ITGB6: variants seen among roughly 807,000 people sequenced by gnomAD.
ITGB6 encodes the protein integrin subunit beta 6.
Under a neutral mutation model 84.5 loss-of-function variants are expected in ITGB6, and 80 were observed. The observed-to-expected ratio is 0.95, with a 90% CI of 0.79 to 1.14. ITGB6 has a LOEUF of 1.14. Among genes scored for constraint, ITGB6 ranks in the 50% most tolerant of loss-of-function variants. The pLI is 0.00. For missense variants in ITGB6, 1,006 were observed against 968.0 expected, an observed-to-expected ratio of 1.04 and a Z score of -0.52; for synonymous variants, 383 against 354.9, an observed-to-expected ratio of 1.08 and a Z score of -0.89.
At chr2:160,114,017 A>T (rs1017363648) in intron 12 of ITGB6, among the ~76,000 whole-genome samples, 3 of 152,160 alleles carry the variant, frequency 2.0e-5, no homozygotes, top group African/African-American at 7.2e-5. Context: ...CTGTGGTAGG[A>T]AATATGTGAG....
At chr2:160,119,827 A>C (rs1031207775) in intron 12 of ITGB6, among the ~76,000 whole-genome samples, 1 of 152,172 alleles carries the variant, frequency 6.6e-6, no homozygotes, top group South Asian at 2.1e-4. Flanking sequence ...CAAGAAAAAA[A>C]CAAACAACCC....
Position 160,200,245 on chromosome 2 carries a change from A to G in ITGB6, c.-182T>C. Reference sequence around the variant, plus strand: ...AAAGTTTTCATTAAGACTGAAATGAAAACAGAGGCTACCTGGACAGGTAAA... The same window carrying G: ...AAAGTTTTCATTAAGACTGAAATGAGAACAGAGGCTACCTGGACAGGTAAA... On this transcript the variant is annotated 5_prime_UTR_variant, in exon 1 of 15. Coordinates refer to ENST00000283249, the MANE Select transcript of ITGB6 (RefSeq NM_000888.5). The G allele has an allele frequency of 1.8e-6, 1 of 550,146 alleles. No homozygotes were observed. Among genetic ancestry groups the G allele is most frequent in the Non-Finnish European group, 3.2e-6 (1 of 315,270 alleles). 34.1% of individuals were successfully genotyped at this position (550,146 alleles called of 1,614,324 possible).
chr2:160,181,201 C>A (rs905532518), intron 4 of ITGB6, among the ~76,000 whole-genome samples: 10 of 152,142 alleles, frequency 6.6e-5, no homozygotes, highest in African/African-American at 2.4e-4. Context: ...CTCAGCAGAT[C>A]CCACTCTCAT....
At position 160,169,240 on chromosome 2, in the gene ITGB6, A is replaced by T. The variant is rs1381679184; in HGVS notation, c.989T>A (p.Val330Glu). 6.2e-7 allele frequency: 1 copy of T among 1,604,034 alleles called. No individual in the cohort carries two copies. Among genetic ancestry groups the T allele is most frequent in the East Asian group, 2.2e-5 (1 of 44,750 alleles). The change falls in exon 7 of 15, where the codon GTA becomes GAA. Residue 330 changes from valine (V) to glutamate (E), a missense_variant. By Grantham distance (121) the Val-to-Glu change is moderately radical. Coordinates refer to ENST00000283249, the MANE Select transcript of ITGB6 (RefSeq NM_000888.5). ...ATATAAATGAACTTGTTCTTGGGTT[A>T]CAGCGAAGATCAATAACACGTTGTT... ...VQNNVLLIFA[V>E]TQEQVHLYEN...
At chr2:160,120,523 CG>C (rs1682983935) in intron 12 of ITGB6, among the ~76,000 whole-genome samples, 1 of 11,704 alleles carries the variant, frequency 8.5e-5, no homozygotes, top group Admixed American at 1.6e-3. Context: ...GTGGTGGGGT[CG>C]GGGGAGGGGG....
chr2:160,139,409 C>T (rs1435998265), intron 8 of ITGB6, among the ~76,000 whole-genome samples: 2 of 152,028 alleles, frequency 1.3e-5, no homozygotes, highest in South Asian at 2.1e-4. Flanking sequence ...AAATGAGATG[C>T]TTTGATACTT....
chr2:160,138,260 G>A, intron 8 of ITGB6, 61 bp from the exon 9 acceptor site: 2 of 1,460,746 alleles, frequency 1.4e-6, no homozygotes, highest in South Asian at 2.9e-5. Context: ...GCCAGAAGAA[G>A]AAACCGTGAA....
chr2:160,138,154 C>T lies in ITGB6; in HGVS notation c.1153G>A (p.Gly385Arg), dbSNP rs753916892. Residue 385 changes from glycine to arginine, a missense_variant, in exon 9 of 15, where the codon GGA (glycine) becomes AGA (arginine). Gly to Arg is a moderately radical substitution (Grantham distance 125, BLOSUM62 -2). Transcript: ENST00000283249. ...ATGGCTGTAAATGACAAGTTGAGTC[C>T]TTCAGTGTCTCCTAATACTTCCAGT... ...VELEVLGDTE[G>R]LNLSFTAICN... is the part of the protein sequence containing the mutation. The T allele has an allele frequency of 2.3e-5, 37 of 1,613,764 alleles. No homozygotes were observed. The highest frequency in any genetic ancestry group is 2.8e-5 in the Non-Finnish European group (33 of 1,179,892).
intron 7 of ITGB6, among the ~76,000 whole-genome samples, chr2:160,149,220 G>A (rs1684313245): frequency 6.6e-6 from 1 of 151,332 alleles, no homozygotes; most frequent in South Asian, 2.1e-4. Context: ...CCTCATATAG[G>A]TGGCTGCCCC....
intron 4 of ITGB6, among the ~76,000 whole-genome samples, chr2:160,180,949 T>C (rs1401900034): frequency 1.3e-5 from 2 of 152,160 alleles, no homozygotes; most frequent in African/African-American, 2.4e-5. Flanking sequence ...GAATGGTGCA[T>C]TCCAGCCCAG....
In ITGB6 at chr2:160,200,157, T is replaced by G; in HGVS notation, c.-94A>C. 1.0e-6 allele frequency: 1 copy of G among 983,582 alleles called. No individual in the cohort carries two copies. 60.9% of individuals were successfully genotyped at this position (983,582 alleles called of 1,614,324 possible). On this transcript the variant is annotated 5_prime_UTR_variant, in exon 1 of 15. Transcript: ENST00000283249. ...GAATATCGTTAAAGTCTTTCTTTCTTGAAGTATAACATTTTAAATACTACT... is the reference window on the plus strand; with the variant it reads ...GAATATCGTTAAAGTCTTTCTTTCTGGAAGTATAACATTTTAAATACTACT...
At chr2:160,140,722 A>C (rs1048425434) in intron 8 of ITGB6, among the ~76,000 whole-genome samples, 1 of 152,204 alleles carries the variant, frequency 6.6e-6, no homozygotes, top group Non-Finnish European at 1.5e-5. Flanking sequence ...GAAAACTGAA[A>C]TTTCTGAGGC....
intron 6 of ITGB6, among the ~76,000 whole-genome samples, chr2:160,169,872 C>T (rs1363203191): frequency 6.6e-6 from 1 of 152,260 alleles, no homozygotes; most frequent in African/African-American, 2.4e-5. Flanking sequence ...TGGAATCGTG[C>T]AATATTTTTA....
chr2:160,165,529 G>A (rs1006457231), intron 7 of ITGB6, among the ~76,000 whole-genome samples: 4 of 151,828 alleles, frequency 2.6e-5, no homozygotes, highest in Non-Finnish European at 5.9e-5. Flanking sequence ...TTCCTCCCTC[G>A]CTGCAATGAA....
intron 7 of ITGB6, among the ~76,000 whole-genome samples, chr2:160,151,857 T>C (rs1310524082): frequency 6.6e-6 from 1 of 152,120 alleles, no homozygotes; most frequent in Non-Finnish European, 1.5e-5. Context: ...AAGAAATGGA[T>C]AAATTCCTGG....
chr2:160,196,381 T>C lies in ITGB6; in HGVS notation c.181A>G (p.Thr61Ala). Residue 61 changes from threonine (T) to alanine (A), a missense_variant, in exon 3 of 15, where the codon ACC becomes GCC. By Grantham distance (58) the Thr-to-Ala change is moderately conservative. Coordinates refer to ENST00000283249, the MANE Select transcript of ITGB6 (RefSeq NM_000888.5). The part of the protein sequence containing the change: ...HPSGVGERCD[T>A]PANLLAKGCQ... ...CCTTTAGCTAAAAGGTTTGCTGGGG[T>C]ATCACACCTTTCGCCAACTCCAGAT... The C allele has an allele frequency of 6.2e-7, 1 of 1,614,020 alleles. No individual in the cohort carries two copies. The highest frequency in any genetic ancestry group is 8.5e-7 in the Non-Finnish European group (1 of 1,179,950).
intron 12 of ITGB6, among the ~76,000 whole-genome samples, chr2:160,121,410 T>C (rs1683033942): frequency 6.6e-6 from 1 of 152,218 alleles, no homozygotes; most frequent in African/African-American, 2.4e-5. Flanking sequence ...TTTTTCTATG[T>C]AATGTTTTCA....
chr2:160,118,847 C>G (rs1445923074), intron 12 of ITGB6, among the ~76,000 whole-genome samples: 2 of 152,168 alleles, frequency 1.3e-5, no homozygotes, highest in African/African-American at 4.8e-5. Context: ...GTACAAAAAT[C>G]ACAAGCATTC....
At chr2:160,143,136 A>G (rs1258494986) in intron 7 of ITGB6, among the ~76,000 whole-genome samples, 2 of 152,024 alleles carry the variant, frequency 1.3e-5, no homozygotes, top group African/African-American at 4.8e-5. Context: ...AAAAATACAA[A>G]AAGTAGCTTG....
Sources: allele counts gnomAD v4.1 joint callset (sites outside exome capture counted in the v4.1 genomes callset), GRCh38; gene constraint gnomAD v4.1.1; transcripts MANE v1.5; gene names NCBI Gene and HGNC (gene_info 2026-07-23, HGNC 2026-07-21).